CD200: variants seen among roughly 807,000 people sequenced by gnomAD.
CD200 encodes the protein OX-2 membrane glycoprotein.
CD200 carries 15 observed loss-of-function variants against 30.9 expected under a neutral mutation model. The ratio of observed to expected loss-of-function variants is 0.49; its 90% CI spans 0.32 to 0.75. The LOEUF is 0.75. Ranked by LOEUF, CD200 falls within the 30% of genes least tolerant of loss-of-function variation. The pLI, the probability that CD200 is intolerant of heterozygous loss-of-function variation, is 0.03. For missense variants in CD200, 262 were observed against 324.2 expected (o/e 0.81, Z 1.47); for synonymous variants, 134 against 126.2 (o/e 1.06, Z -0.41).
At chr3:112,340,076 A>T (rs9834347) in intron 1 of CD200, among the ~76,000 whole-genome samples, 33,908 of 152,204 alleles carry the variant, frequency 0.22, 4,143 homozygotes, top group East Asian at 0.5. Context: ...AATAAAGTTC[A>T]GTTAAAAACA....
At chr3:112,339,960 A>C (rs981549505) in intron 1 of CD200, among the ~76,000 whole-genome samples, 3 of 152,206 alleles carry the variant, frequency 2.0e-5, no homozygotes, top group Non-Finnish European at 4.4e-5. Context: ...AGAGATTGGG[A>C]CAATTATGGG....
chr3:112,360,558 C>T (rs1034020970), intron 5 of CD200, among the ~76,000 whole-genome samples: 1 of 151,978 alleles, frequency 6.6e-6, no homozygotes, highest in African/African-American at 2.4e-5. Flanking sequence ...TCTAGTAATT[C>T]GTTTTTACTA....
chr3:112,349,864 G>T, intron 5 of CD200, 45 bp downstream of exon 5: 1 of 1,548,874 alleles, frequency 6.5e-7, no homozygotes, highest in South Asian at 1.3e-5. Context: ...AATTAAATTT[G>T]ATTTTTAATG....
At chr3:112,340,811 C>G in intron 1 of CD200, 91 bp from the exon 2 acceptor site, 1 of 867,824 alleles carries the variant, frequency 1.2e-6, no homozygotes, top group South Asian at 1.5e-5. Context: ...AACTTAGCTA[C>G]AACATTCCCT....
chr3:112,361,676 C>A lies in CD200; in HGVS notation c.*126C>A. The A allele has an allele frequency of 1.2e-6, 1 of 869,176 alleles. No homozygotes were observed. The highest frequency in any genetic ancestry group is 2.0e-6 in the Non-Finnish European group (1 of 511,712). 53.8% of individuals were successfully genotyped at this position (869,176 alleles called of 1,614,324 possible). The stretch of plus-strand genomic sequence containing the variant: ...GAGCAAAAGAGGTGGGAGCGAAAGC[C>A]TTAAGGATCCCACGACTTTTTACTG... On this transcript the variant is annotated 3_prime_UTR_variant, in exon 6 of 6. Coordinates refer to ENST00000315711, the MANE Select transcript of CD200 (RefSeq NM_005944.7).
At chr3:112,333,022 T>G (rs1414003515), upstream of CD200, 1 of 715,978 alleles carries the variant, frequency 1.4e-6, no homozygotes, top group Non-Finnish European at 2.3e-6. Context: ...AAACATCATT[T>G]AATTCCCCCC....
intron 5 of CD200, among the ~76,000 whole-genome samples, chr3:112,360,908 T>G (rs544907147): frequency 6.6e-6 from 1 of 152,372 alleles, no homozygotes; most frequent in South Asian, 2.1e-4. Flanking sequence ...AGAATACATT[T>G]TGATCATTTG....
Position 112,361,451 on chromosome 3 carries a change from TTCTTAATCTC to T in CD200, c.803-88_803-79del, listed in dbSNP as rs1161904099. ...AATATACACTAGAATAACTCTGTGT[TTCTTAATCTC>T]TCTATTATTTATCTTCTTAAAATGT... On this transcript the variant is annotated intron_variant, in intron 5 of 5. Coordinates refer to ENST00000315711, the MANE Select transcript of CD200 (RefSeq NM_005944.7). 7 of 1,021,220 alleles carry T rather than the reference TTCTTAATCTC, an allele frequency of 6.9e-6. No individual in the cohort carries two copies. In the East Asian group the frequency reaches 1.7e-4, roughly 24 times the overall value. The allele number at this position is 1,021,220 out of a possible 1,614,324, so 63.3% of individuals were successfully genotyped here. A position where few individuals can be genotyped will look rare whatever the true frequency, so the allele number is the denominator to read the frequency against.
intron 5 of CD200, among the ~76,000 whole-genome samples, chr3:112,357,262 A>T (rs1184537621): frequency 1.4e-5 from 2 of 147,014 alleles, no homozygotes; most frequent in African/African-American, 5.1e-5. Context: ...CTGTCTCAAA[A>T]AAAAAAAAAA....
At chr3:112,347,474 T>G in intron 3 of CD200, 84 bp from the exon 4 acceptor site, 1 of 1,318,774 alleles carries the variant, frequency 7.6e-7, no homozygotes, top group Non-Finnish European at 1.1e-6. Context: ...TCTATAAGCA[T>G]ATTTCCTTCA....
At chr3:112,349,075 G>A (rs755241970) in intron 4 of CD200, among the ~76,000 whole-genome samples, 1 of 152,120 alleles carries the variant, frequency 6.6e-6, no homozygotes, top group Non-Finnish European at 1.5e-5. Context: ...ATGATGTGAC[G>A]AATCCCATTA....
At chr3:112,348,399 C>T (rs1429489570) in intron 4 of CD200, among the ~76,000 whole-genome samples, 1 of 152,158 alleles carries the variant, frequency 6.6e-6, no homozygotes, top group Non-Finnish European at 1.5e-5. Flanking sequence ...GCTTTCGTCA[C>T]CCATTTTAAA....
chr3:112,335,582 T>C (rs1456513821), intron 1 of CD200, among the ~76,000 whole-genome samples: 1 of 151,924 alleles, frequency 6.6e-6, no homozygotes, highest in Non-Finnish European at 1.5e-5. Flanking sequence ...AGGATGAGAG[T>C]CTAAGTGATT....
intron 1 of CD200, chr3:112,333,912 G>A (rs754646453): frequency 4.4e-5 from 43 of 985,224 alleles, no homozygotes; most frequent in Admixed American, 6.1e-5. Context: ...GACAAAAAAC[G>A]GAGAAGGTTT....
chr3:112,360,333 A>AAAAATATAT (rs879786648), intron 5 of CD200, among the ~76,000 whole-genome samples: 10 of 141,196 alleles, frequency 7.1e-5, no homozygotes, highest in African/African-American at 2.5e-4. Context: ...ATCTAAAAAA[A>AAAAATATAT]ATATATATAT....
At chr3:112,360,056 G>A (rs146096014) in intron 5 of CD200, among the ~76,000 whole-genome samples, 45 of 152,214 alleles carry the variant, frequency 3.0e-4, no homozygotes, top group African/African-American at 9.6e-4. Context: ...TACAGGGTGC[G>A]GTGGCACATG....
At chr3:112,336,752 G>A (rs185410580) in intron 1 of CD200, among the ~76,000 whole-genome samples, 1 of 152,078 alleles carries the variant, frequency 6.6e-6, no homozygotes, top group Non-Finnish European at 1.5e-5. Flanking sequence ...AGGACATCCC[G>A]CTAAAGCAAC....
chr3:112,332,577 A>T (rs1194290977), upstream of CD200: 1 of 181,718 alleles, frequency 5.5e-6, no homozygotes, highest in Non-Finnish European at 1.1e-5. Context: ...TGGACCACAG[A>T]GCGAGACTCC....
chr3:112,333,689 G>A, intron 1 of CD200: 1 of 985,416 alleles, frequency 1.0e-6, no homozygotes, highest in Non-Finnish European at 1.2e-6. Context: ...AGATTTCCAG[G>A]CTCGCTTTCT....
Sources: allele counts gnomAD v4.1 joint callset (sites outside exome capture counted in the v4.1 genomes callset), GRCh38; gene constraint gnomAD v4.1.1; transcripts MANE v1.5; gene names NCBI Gene and HGNC (gene_info 2026-07-23, HGNC 2026-07-21).